The following TENM2 variants were observed in gnomAD, a reference collection of about 807,000 sequenced individuals.
TENM2 encodes teneurin transmembrane protein 2.
TENM2 carries 52 observed loss-of-function variants against 245.2 expected under a neutral mutation model. That is an observed-to-expected ratio of 0.21 (90% confidence interval 0.17 to 0.27). The LOEUF is 0.27. Ranked by LOEUF, TENM2 falls within the 10% of genes least tolerant of loss-of-function variation. TENM2 has a pLI of 1.00. For missense variants in TENM2, 3,046 were observed against 3,666.8 expected, an observed-to-expected ratio of 0.83 and a Z score of 4.37; for synonymous variants, 1,363 against 1,438.9, an observed-to-expected ratio of 0.95 and a Z score of 1.19.
At chr5:167,970,581 C>G (rs553632156) in intron 4 of TENM2, among the ~76,000 whole-genome samples, 2 of 152,098 alleles carry the variant, frequency 1.3e-5, no homozygotes, top group Non-Finnish European at 2.9e-5. Context: ...GAATGGGAAA[C>G]ATTTAACTCC....
intron 2 of TENM2, among the ~76,000 whole-genome samples, chr5:167,389,313 T>C (rs1227593457): frequency 6.6e-6 from 1 of 151,340 alleles, no homozygotes; most frequent in Non-Finnish European, 1.5e-5. Flanking sequence ...TCACCTATAA[T>C]TTGACACCAA....
chr5:167,075,995 C>A, the TENM2 span, among the ~76,000 whole-genome samples: 41 of 152,286 alleles, frequency 2.7e-4, no homozygotes, highest in African/African-American at 9.4e-4. Flanking sequence ...AGTTCCCAGA[C>A]CAGCCCTGGC....
intron 3 of TENM2, among the ~76,000 whole-genome samples, chr5:167,918,808 A>G (rs1188646865): frequency 6.8e-6 from 1 of 146,734 alleles, no homozygotes; most frequent in Non-Finnish European, 1.5e-5. Flanking sequence ...GTAGGCACTT[A>G]GAAGAAAAAG....
intron 2 of TENM2, among the ~76,000 whole-genome samples, chr5:167,606,367 G>A (rs559000274): frequency 1.8e-4 from 28 of 152,196 alleles, no homozygotes; most frequent in African/African-American, 6.7e-4. Context: ...CAAGGAAGCT[G>A]GGGGAGAAGG....
intron 2 of TENM2, among the ~76,000 whole-genome samples, chr5:167,615,004 A>G (rs1485021833): frequency 6.6e-6 from 1 of 152,098 alleles, no homozygotes; most frequent in African/African-American, 2.4e-5. Context: ...GGGGTTTGGC[A>G]TTCTTCATAT....
chr5:167,603,089 CAAG>C (rs1287886079), intron 2 of TENM2, among the ~76,000 whole-genome samples: 1 of 152,058 alleles, frequency 6.6e-6, no homozygotes, highest in Non-Finnish European at 1.5e-5. Flanking sequence ...GCTGACATGA[CAAG>C]AAGAGAAAAA....
At chr5:167,854,342 A>AG (rs770119524) in intron 2 of TENM2, among the ~76,000 whole-genome samples, 6 of 152,112 alleles carry the variant, frequency 3.9e-5, no homozygotes, top group African/African-American at 7.3e-5. Flanking sequence ...ATGAGTTTGT[A>AG]GGGGGAAAAA....
At chr5:167,305,764 G>T (rs1408125084) in intron 1 of TENM2, among the ~76,000 whole-genome samples, 1 of 152,178 alleles carries the variant, frequency 6.6e-6, no homozygotes, top group Non-Finnish European at 1.5e-5. Flanking sequence ...TTTCATAGAG[G>T]TTTTGTTTTG....
At chr5:167,450,556 A>G (rs560504682) in intron 2 of TENM2, among the ~76,000 whole-genome samples, 1 of 152,304 alleles carries the variant, frequency 6.6e-6, no homozygotes, top group South Asian at 2.1e-4. Flanking sequence ...AAAACTCTAT[A>G]AGCTTATTCT....
At chr5:167,321,966 C>T (rs765338348) in intron 1 of TENM2, among the ~76,000 whole-genome samples, 10 of 151,588 alleles carry the variant, frequency 6.6e-5, no homozygotes, top group Non-Finnish European at 1.3e-4. Flanking sequence ...GTAGCTGGGA[C>T]TACAGGCATG....
chr5:167,246,432 GTATATA>G, the TENM2 span, among the ~76,000 whole-genome samples: 1 of 151,692 alleles, frequency 6.6e-6, no homozygotes, highest in Non-Finnish European at 1.5e-5. Context: ...ATATATGTCT[GTATATA>G]TGTATATGTA....
intron 1 of TENM2, among the ~76,000 whole-genome samples, chr5:167,316,522 C>G (rs1025205433): frequency 2.6e-5 from 4 of 152,140 alleles, no homozygotes; most frequent in Non-Finnish European, 5.9e-5. Context: ...TCTAGAAGCT[C>G]ACTGTATATT....
At position 168,184,455 on chromosome 5, in the gene TENM2, T is replaced by C. The variant is rs534249044; in HGVS notation, c.2570-5882T>C. On this transcript the variant is annotated intron_variant, in intron 13 of 28. Transcript: ENST00000518659. ...GTAGGTGTTCTTCTGGAGCCTTTAA[T>C]ACCTAGGAAAGCCATGGAGTTCATG... Among the ~76,000 whole-genome samples the C allele has an allele frequency of 7.9e-5, 12 of 152,330 alleles. No individual in the cohort carries two copies. In the South Asian group the frequency reaches 2.5e-3, roughly 32 times the overall value.
At chr5:167,106,703 A>G in the TENM2 span, among the ~76,000 whole-genome samples, 2 of 149,832 alleles carry the variant, frequency 1.3e-5, no homozygotes, top group African/African-American at 4.9e-5. Flanking sequence ...CACAAGTGCT[A>G]TTCTGCAGGT....
intron 7 of TENM2, among the ~76,000 whole-genome samples, chr5:168,080,071 T>C (rs1791843998): frequency 1.3e-5 from 2 of 152,226 alleles, no homozygotes; most frequent in South Asian, 4.1e-4. Flanking sequence ...AGACTTTTTT[T>C]GGTTGGTAAG....
At chr5:167,313,268 G>T (rs1234021713) in intron 1 of TENM2, among the ~76,000 whole-genome samples, 1 of 152,126 alleles carries the variant, frequency 6.6e-6, no homozygotes, top group African/African-American at 2.4e-5. Flanking sequence ...CATGATGCAA[G>T]AATTCCAGGG....
chr5:167,146,332 C>T, the TENM2 span, among the ~76,000 whole-genome samples: 1 of 152,094 alleles, frequency 6.6e-6, no homozygotes, highest in Non-Finnish European at 1.5e-5. Context: ...GCTTGATGCC[C>T]CAGGTGAGTT....
chr5:167,503,926 G>A (rs1769375386), intron 2 of TENM2, among the ~76,000 whole-genome samples: 1 of 152,020 alleles, frequency 6.6e-6, no homozygotes, highest in South Asian at 2.1e-4. Flanking sequence ...AAAAATAAAA[G>A]CCAGATGTAT....
At chr5:167,198,494 A>C in the TENM2 span, among the ~76,000 whole-genome samples, 1 of 152,124 alleles carries the variant, frequency 6.6e-6, no homozygotes, top group Admixed American at 6.6e-5. Flanking sequence ...AAAGGTAGCC[A>C]CAAAATGATC....
Sources: allele counts gnomAD v4.1 joint callset (sites outside exome capture counted in the v4.1 genomes callset), GRCh38; gene constraint gnomAD v4.1.1; transcripts MANE v1.5; gene names NCBI Gene and HGNC (gene_info 2026-07-23, HGNC 2026-07-21).